DCP1A: variants seen among roughly 807,000 people sequenced by gnomAD.
DCP1A encodes the protein mRNA-decapping enzyme 1A.
In DCP1A, 20 loss-of-function variants were observed where a neutral mutation model predicts 58.0. The ratio of observed to expected loss-of-function variants is 0.34; its 90% CI spans 0.24 to 0.50. The LOEUF (loss-of-function observed/expected upper bound fraction) is 0.50. Among genes scored for constraint, DCP1A ranks in the 20% least tolerant of loss-of-function variants. The pLI, the probability that DCP1A is intolerant of heterozygous loss-of-function variation, is 0.98. For synonymous variants in DCP1A, 285 were observed against 275.1 expected, an observed-to-expected ratio of 1.04 and a Z score of -0.36; for missense variants, 613 against 712.2, an observed-to-expected ratio of 0.86 and a Z score of 1.59.
At chr3:53,316,251 A>G (rs1707809011) in intron 4 of DCP1A, among the ~76,000 whole-genome samples, 1 of 152,148 alleles carries the variant, frequency 6.6e-6, no homozygotes, top group African/African-American at 2.4e-5. Flanking sequence ...AACAACAACA[A>G]AAAGTAACAA....
intron 6 of DCP1A, among the ~76,000 whole-genome samples, chr3:53,297,336 T>G (rs1451793670): frequency 2.6e-5 from 4 of 151,994 alleles, no homozygotes; most frequent in Non-Finnish European, 5.9e-5. Flanking sequence ...CAAAAAAAAG[T>G]ATTGGAAAAC....
intron 4 of DCP1A, among the ~76,000 whole-genome samples, chr3:53,314,670 T>TC (rs1338469842): frequency 8.2e-5 from 11 of 134,850 alleles, no homozygotes; most frequent in African/African-American, 2.5e-4. Context: ...TCTTTTTCTT[T>TC]TTTTTTTTTT....
intron 5 of DCP1A, among the ~76,000 whole-genome samples, chr3:53,308,061 C>T (rs1288361385): frequency 6.6e-6 from 1 of 151,976 alleles, no homozygotes; most frequent in Non-Finnish European, 1.5e-5. Flanking sequence ...ATCTAATGTA[C>T]ACAAACATAC....
At chr3:53,319,542 A>AT in intron 3 of DCP1A, 69 bp from the exon 4 acceptor site, 1 of 941,490 alleles carries the variant, frequency 1.1e-6, no homozygotes, top group Non-Finnish European at 1.7e-6. Context: ...TGTAAATAAT[A>AT]TATTATCATC....
rs989018115 is a variant in DCP1A, at chr3:53,285,848, G to A, written c.*1732C>T. 1.8e-4 allele frequency: 27 copies of A among 152,044 alleles called. No individual in the cohort carries two copies. Among genetic ancestry groups the A allele is most frequent in the African/African-American group, 4.8e-4 (20 of 41,362 alleles). The allele number at this position is 152,044 out of a possible 1,614,324, so 9.4% of individuals were successfully genotyped here. ...CTCTGTATCCCACTATAGCTTTCTCGTTCCCAGATGATGCATAAGGAATTC... is the reference window on the plus strand; with the variant it reads ...CTCTGTATCCCACTATAGCTTTCTCATTCCCAGATGATGCATAAGGAATTC... On this transcript the variant is annotated 3_prime_UTR_variant, in exon 10 of 10. Coordinates refer to ENST00000610213, the MANE Select transcript of DCP1A (RefSeq NM_018403.7).
At chr3:53,306,967 T>C (rs1707496082) in intron 5 of DCP1A, among the ~76,000 whole-genome samples, 1 of 137,684 alleles carries the variant, frequency 7.3e-6, no homozygotes, top group South Asian at 2.5e-4. Context: ...GACTGAGTCC[T>C]GCTCTGTCAC....
Position 53,292,819 on chromosome 3 carries a change from T to C in DCP1A, c.633A>G (p.Pro211=), listed in dbSNP as rs1553686353. The change falls in exon 7 of 10, where the codon CCA becomes CCG. Residue 211 remains proline, a synonymous_variant. Transcript: ENST00000610213. The part of the protein sequence containing the change: ...MPSGSQDKSA[P]SGHKHLTVEE... ...CTACCGTCAGATGCTTGTGTCCAGA[T>C]GGAGCAGACTGAAAAACAAATGAAA... The C allele has an allele frequency of 1.2e-6, 2 of 1,601,442 alleles. No individual in the cohort carries two copies. Among genetic ancestry groups the C allele is most frequent in the Non-Finnish European group, 1.7e-6 (2 of 1,177,344 alleles).
Position 53,312,234 on chromosome 3 carries a change from G to A in DCP1A, c.510+7C>T, listed in dbSNP as rs1707666571. On this transcript the variant is annotated splice_region_variant and intron_variant, in intron 5 of 9. Transcript: ENST00000610213. ...TGGTCAGCACCCAAGTACCCAGAGA[G>A]CCTCACCCTCTCATACTCATCCTTG... The A allele has an allele frequency of 2.5e-6, 4 of 1,584,686 alleles. No homozygotes were observed. The East Asian group carries it at 9.0e-5, about 36-fold the overall frequency.
chr3:53,292,886 A>G (rs932314580), intron 6 of DCP1A, 59 bp from the exon 7 acceptor site: 69 of 1,510,150 alleles, frequency 4.6e-5, no homozygotes, highest in Non-Finnish European at 5.8e-5. Flanking sequence ...GCATAACCAA[A>G]CTTCTTTTCC....
chr3:53,336,231 G>T (rs540529476), intron 3 of DCP1A, among the ~76,000 whole-genome samples: 3 of 152,056 alleles, frequency 2.0e-5, no homozygotes, highest in Admixed American at 2.0e-4. Context: ...AGTCTCTCCC[G>T]AGTAGCTGGG....
At chr3:53,315,414 T>C (rs1559694112) in intron 4 of DCP1A, among the ~76,000 whole-genome samples, 2 of 151,426 alleles carry the variant, frequency 1.3e-5, no homozygotes, top group Admixed American at 6.6e-5. Flanking sequence ...GGCAGGCACT[T>C]GTAATCCCAG....
rs782188181 is a variant in DCP1A, at chr3:53,347,493, G to C, written c.25C>G (p.Gln9Glu). The C allele has an allele frequency of 1.9e-5, 31 of 1,612,806 alleles. No homozygotes were observed. The highest frequency in any genetic ancestry group is 2.6e-5 in the Non-Finnish European group (31 of 1,179,312). MEALSRAG[Q>E]EMSLAALKQH... ...TTCAGGGCCGCTAGGCTCATCTCCT[G>C]CCCAGCTCGACTCAGCGCCTCCATC... The change falls in exon 1 of 10, where the codon CAG becomes GAG. Residue 9 changes from glutamine to glutamate, a missense_variant. By Grantham distance (29) the Gln-to-Glu change is conservative. Transcript: ENST00000610213.
chr3:53,322,970 G>T (rs571264115), intron 3 of DCP1A, among the ~76,000 whole-genome samples: 1 of 152,108 alleles, frequency 6.6e-6, no homozygotes, highest in East Asian at 1.9e-4. Context: ...GATTACAGGC[G>T]CCCGTCACCA....
chr3:53,330,352 C>T (rs1378090350), intron 3 of DCP1A, among the ~76,000 whole-genome samples: 1 of 151,954 alleles, frequency 6.6e-6, no homozygotes, highest in Non-Finnish European at 1.5e-5. Flanking sequence ...GTCAACACAG[C>T]AAGACCCTAT....
intron 3 of DCP1A, among the ~76,000 whole-genome samples, chr3:53,335,274 G>A (rs144884512): frequency 0.017 from 2,593 of 152,080 alleles, 76 homozygotes; most frequent in African/African-American, 0.059. Context: ...CTGAGTAGCT[G>A]GAATTACAGG....
chr3:53,307,396 C>G (rs1438740765), intron 5 of DCP1A, among the ~76,000 whole-genome samples: 1 of 152,176 alleles, frequency 6.6e-6, no homozygotes, highest in Non-Finnish European at 1.5e-5. Context: ...TCGGCAATAA[C>G]TGAGAGCTGG....
intron 6 of DCP1A, among the ~76,000 whole-genome samples, chr3:53,298,826 A>G (rs782435572): frequency 9.2e-5 from 14 of 152,228 alleles, no homozygotes; most frequent in Non-Finnish European, 1.6e-4. Flanking sequence ...GATGGACTGC[A>G]TATACAACAG....
chr3:53,315,501 C>A (rs1446953480), intron 4 of DCP1A, among the ~76,000 whole-genome samples: 2 of 137,614 alleles, frequency 1.5e-5, no homozygotes, highest in African/African-American at 5.4e-5. Flanking sequence ...ATCACGCCAC[C>A]ACATTCCTGG....
At chr3:53,309,386 GA>G (rs1707578512) in intron 5 of DCP1A, among the ~76,000 whole-genome samples, 2 of 150,432 alleles carry the variant, frequency 1.3e-5, no homozygotes, top group African/African-American at 4.9e-5. Flanking sequence ...AAAAAAAAAG[GA>G]AAGTTAATTA....
Sources: gnomAD v4.1 joint callset for allele counts (sites outside exome capture counted in the v4.1 genomes callset) on GRCh38, gnomAD v4.1.1 for gene constraint, MANE v1.5 for transcripts, NCBI Gene and HGNC (gene_info 2026-07-23, HGNC 2026-07-21) for gene names.